The following SLC4A7 variants were observed in gnomAD, a reference collection of about 807,000 sequenced individuals.
The protein encoded by SLC4A7 is sodium bicarbonate cotransporter 3.
Under a neutral mutation model 137.6 loss-of-function variants are expected in SLC4A7, and 51 were observed. The observed-to-expected ratio is 0.37, with a 90% confidence interval of 0.30 to 0.47. The LOEUF (loss-of-function observed/expected upper bound fraction) is 0.47, where lower values mean the gene tolerates loss of function less well. Ranked by LOEUF, SLC4A7 falls within the 20% of genes least tolerant of loss-of-function variation. The pLI, the probability that SLC4A7 is intolerant of heterozygous loss-of-function variation, is 1.00. For missense variants in SLC4A7, 1,247 were observed against 1,525.4 expected, an observed-to-expected ratio of 0.82 and a Z score of 3.04; for synonymous variants, 542 against 518.6, an observed-to-expected ratio of 1.05 and a Z score of -0.61.
intron 18 of SLC4A7, 86 bp from the exon 19 acceptor site, chr3:27,395,201 G>T: frequency 1.1e-6 from 1 of 872,368 alleles, no homozygotes; most frequent in Non-Finnish European, 1.7e-6. Context: ...TCTGTTCCAA[G>T]AAATACCCAA....
intron 3 of SLC4A7, among the ~76,000 whole-genome samples, chr3:27,446,875 G>GTTTTTTTTTTTTTTTTTTTTTTTTT (rs59612875): frequency 1.1e-5 from 1 of 91,186 alleles, no homozygotes. Context: ...GTTTTTTTTT[G>GTTTTTTTTTTTTTTTTTTTTTTTTT]TTTTTTTTTG....
chr3:27,404,126 T>G (rs761771077), intron 14 of SLC4A7, among the ~76,000 whole-genome samples: 5 of 152,184 alleles, frequency 3.3e-5, no homozygotes, highest in Non-Finnish European at 5.9e-5. Flanking sequence ...AATCCCAAAC[T>G]TGGGGAGGCC....
intron 5 of SLC4A7, among the ~76,000 whole-genome samples, chr3:27,435,073 G>A (rs971096363): frequency 1.3e-5 from 2 of 152,100 alleles, no homozygotes; most frequent in African/African-American, 4.8e-5. Context: ...TCAAATATTT[G>A]CAGCACACAG....
chr3:27,477,335 T>C (rs1305952112), intron 1 of SLC4A7, among the ~76,000 whole-genome samples: 1 of 152,194 alleles, frequency 6.6e-6, no homozygotes, highest in African/African-American at 2.4e-5. Flanking sequence ...GAACAATGCA[T>C]TGTATTAGGT....
rs2049713238 is a variant in SLC4A7 at position 27,373,667 on chromosome 3, A to C, written c.*3097T>G. ...TCTGGTGTTATACCTCAGTTTCAGA[A>C]AGCATTTTTCTTTCAACAGAATTTT... On this transcript the variant is annotated 3_prime_UTR_variant, in exon 26 of 26. Coordinates refer to ENST00000454389, the MANE Select transcript of SLC4A7 (RefSeq NM_001321103.2). The C allele has an allele frequency of 6.6e-6, 1 of 152,172 alleles. No homozygotes were observed. The highest frequency in any genetic ancestry group is 1.5e-5 in the Non-Finnish European group (1 of 67,976). 9.4% of individuals were successfully genotyped at this position (152,172 alleles called of 1,614,324 possible).
intron 1 of SLC4A7, among the ~76,000 whole-genome samples, chr3:27,460,938 G>A (rs975067000): frequency 6.6e-6 from 1 of 152,116 alleles, no homozygotes; most frequent in South Asian, 2.1e-4. Flanking sequence ...ACTCCCAGTA[G>A]ACCTTTACAA....
At chr3:27,427,486 A>G (rs1168837729) in intron 7 of SLC4A7, among the ~76,000 whole-genome samples, 1 of 152,038 alleles carries the variant, frequency 6.6e-6, no homozygotes, top group Non-Finnish European at 1.5e-5. Flanking sequence ...TTTTATACAT[A>G]TAACTTTTAT....
At position 27,418,541 on chromosome 3, in the gene SLC4A7, G is replaced by C; in HGVS notation, c.1604C>G (p.Pro535Arg). Residue 535 changes from proline (P) to arginine (R), a missense_variant, in exon 11 of 26, where the codon CCA (proline) becomes CGA (arginine). Coordinates refer to ENST00000454389, the MANE Select transcript of SLC4A7 (RefSeq NM_001321103.2). ...GCGTATAGAAGGATCCCACTCTCCT[G>C]GAGGTAGGACAGTTACTTGATCTAA... Reference protein sequence around the residue: ...EFLDQVTVLPPGEWDPSIRIE... With the variant: ...EFLDQVTVLPRGEWDPSIRIE... The C allele has an allele frequency of 6.2e-7, 1 of 1,609,338 alleles. No homozygotes were observed. Among genetic ancestry groups the C allele is most frequent in the Non-Finnish European group, 8.5e-7 (1 of 1,175,922 alleles).
At chr3:27,414,268 G>A (rs947060231) in intron 11 of SLC4A7, among the ~76,000 whole-genome samples, 9 of 151,996 alleles carry the variant, frequency 5.9e-5, no homozygotes, top group Non-Finnish European at 8.8e-5. Flanking sequence ...TGGCAAGAGC[G>A]AAGCTCCATC....
chr3:27,461,063 G>A (rs993577442), intron 1 of SLC4A7, among the ~76,000 whole-genome samples: 11 of 152,082 alleles, frequency 7.2e-5, no homozygotes, highest in African/African-American at 1.7e-4. Context: ...CACTTGTTAC[G>A]CGAGCTGCAA....
rs1160172651 is a variant in SLC4A7, at chr3:27,459,990, T to TAC, written c.61-7494_61-7493dup. 7.8e-3 allele frequency among the ~76,000 whole-genome samples: 703 copies of TAC among 90,040 alleles called. 5 individuals carry two copies. The highest frequency in any genetic ancestry group is 0.011 in the Middle Eastern group (2 of 190). The allele number at this position is 90,040 out of a possible 152,430, so 59.1% of individuals were successfully genotyped here. ...TGTTATTTATATATATATATATATA[T>TAC]ACACACACACACACACACACGTGTA... On this transcript the variant is annotated intron_variant, in intron 1 of 25. Coordinates refer to ENST00000454389, the MANE Select transcript of SLC4A7 (RefSeq NM_001321103.2).
chr3:27,431,029 T>G (rs1467122496), intron 7 of SLC4A7, among the ~76,000 whole-genome samples: 1 of 152,176 alleles, frequency 6.6e-6, no homozygotes, highest in Non-Finnish European at 1.5e-5. Flanking sequence ...TTACTCTTTT[T>G]TATTAGGTTG....
intron 3 of SLC4A7, among the ~76,000 whole-genome samples, chr3:27,439,585 C>G (rs551234840): frequency 6.6e-6 from 1 of 152,200 alleles, no homozygotes; most frequent in Admixed American, 6.5e-5. Context: ...GATTTTATAT[C>G]CTGGGACCTG....
intron 3 of SLC4A7, among the ~76,000 whole-genome samples, chr3:27,443,563 C>T (rs113568404): frequency 0.011 from 1,617 of 151,892 alleles, 10 homozygotes; most frequent in South Asian, 0.02. Context: ...TACAATGTGC[C>T]CTATTTTTTT....
At position 27,411,632 on chromosome 3, in the gene SLC4A7, T is replaced by A; in HGVS notation, c.1766+10A>T. On this transcript the variant is annotated intron_variant, in intron 12 of 25. Transcript: ENST00000454389. ...CCCAAACCCTTCAAAATATCAGTAT[T>A]TGCACCCACCGTCCAGTCCTCTGTA... 1 of 1,444,824 alleles carries A rather than the reference T, an allele frequency of 6.9e-7. No individual in the cohort carries two copies. Among genetic ancestry groups the A allele is most frequent in the Non-Finnish European group, 9.3e-7 (1 of 1,073,612 alleles). The allele number at this position is 1,444,824 out of a possible 1,614,324, so 89.5% of individuals were successfully genotyped here. A position where few individuals can be genotyped will look rare whatever the true frequency, so the allele number is the denominator to read the frequency against.
chr3:27,452,590 C>CA (rs1419373517), intron 1 of SLC4A7, 92 bp from the exon 2 acceptor site: 2 of 672,012 alleles, frequency 3.0e-6, no homozygotes, highest in African/African-American at 3.8e-5. Flanking sequence ...AAATATAAAA[C>CA]AGACTGCTTT....
chr3:27,484,043 GC>G, intron 1 of SLC4A7, 23 bp downstream of exon 1: 3 of 1,389,282 alleles, frequency 2.2e-6, no homozygotes, highest in Non-Finnish European at 2.8e-6. Context: ...CTGCGGAGGA[GC>G]CCCACCGCCG....
Position 27,390,112 on chromosome 3 carries a change from T to C in SLC4A7, c.3187-8A>G, listed in dbSNP as rs762033726. On this transcript the variant is annotated splice_region_variant and splice_polypyrimidine_tract_variant and intron_variant, in intron 21 of 25. Coordinates refer to ENST00000454389, the MANE Select transcript of SLC4A7 (RefSeq NM_001321103.2). ...TTTTATACGGTCAAATAACTACATA[T>C]AGAATAAAAAACAAAGAAGTTTTCA... 3.9e-6 allele frequency: 6 copies of C among 1,539,382 alleles called. No homozygotes were observed. Among genetic ancestry groups the C allele is most frequent in the Non-Finnish European group, 5.3e-6 (6 of 1,126,434 alleles).
At chr3:27,438,683 C>T (rs960164726) in intron 3 of SLC4A7, among the ~76,000 whole-genome samples, 1 of 144,756 alleles carries the variant, frequency 6.9e-6, no homozygotes, top group Non-Finnish European at 1.5e-5. Context: ...AAAAATAACA[C>T]AACATAACAT....
Sources: allele counts gnomAD v4.1 joint callset (sites outside exome capture counted in the v4.1 genomes callset), GRCh38; gene constraint gnomAD v4.1.1; transcripts MANE v1.5; gene names NCBI Gene and HGNC (gene_info 2026-07-23, HGNC 2026-07-21).